Variants in CLPB observed in about 807,000 individuals in gnomAD.
The protein encoded by CLPB is ClpB family mitochondrial disaggregase, also known as mitochondrial disaggregase.
A neutral mutation model predicts 78.4 loss-of-function variants in CLPB; 40 were observed. The ratio of observed to expected loss-of-function variants is 0.51; its 90% CI spans 0.40 to 0.66. CLPB has a LOEUF of 0.66. CLPB is among the 30% of genes least tolerant of loss of function. The pLI, the probability that CLPB is intolerant of heterozygous loss-of-function variation, is 0.00. For synonymous variants in CLPB, 333 were observed against 348.0 expected (o/e 0.96, Z 0.48); for missense variants, 780 against 886.9 (o/e 0.88, Z 1.53).
At chr11:72,339,659 T>C (rs942475849) in intron 5 of CLPB, among the ~76,000 whole-genome samples, 1 of 152,346 alleles carries the variant, frequency 6.6e-6, no homozygotes, top group South Asian at 2.1e-4. Flanking sequence ...TTTGGCACCA[T>C]GGTAAGTGCT....
intron 4 of CLPB, among the ~76,000 whole-genome samples, chr11:72,364,281 C>A (rs1950899264): frequency 6.6e-6 from 1 of 152,150 alleles, no homozygotes; most frequent in Non-Finnish European, 1.5e-5. Flanking sequence ...GCAACCTCCG[C>A]AACACTGCAA....
At chr11:72,420,847 A>T (rs1856175127) in intron 2 of CLPB, among the ~76,000 whole-genome samples, 1 of 152,166 alleles carries the variant, frequency 6.6e-6, no homozygotes, top group African/African-American at 2.4e-5. Context: ...TGATATACAA[A>T]TGAAGGCCAT....
At chr11:72,390,367 G>A (rs1236813467) in intron 3 of CLPB, among the ~76,000 whole-genome samples, 1 of 151,274 alleles carries the variant, frequency 6.6e-6, no homozygotes, top group East Asian at 1.9e-4. Flanking sequence ...CAACCCAGGA[G>A]GCAGAGGTTG....
intron 4 of CLPB, 22 bp from the exon 5 acceptor site, chr11:72,359,030 C>A: frequency 6.2e-7 from 1 of 1,612,568 alleles, no homozygotes. Context: ...GCAACACAAA[C>A]CCTTCCATTA....
chr11:72,317,076 T>C, intron 7 of CLPB, 30 bp downstream of exon 7: 3 of 1,509,726 alleles, frequency 2.0e-6, no homozygotes, highest in Non-Finnish European at 2.7e-6. Context: ...AGGGCACCAC[T>C]CTGCCCTTTC....
chr11:72,298,051 C>G (rs2135492711), intron 11 of CLPB, among the ~76,000 whole-genome samples: 1 of 152,256 alleles, frequency 6.6e-6, no homozygotes, highest in South Asian at 2.1e-4. Context: ...CTTGAATGCT[C>G]ACCCCAGGGT....
intron 9 of CLPB, 109 bp downstream of exon 9, chr11:72,307,081 GGTCAGGGCC>G: frequency 1.1e-6 from 1 of 906,322 alleles, no homozygotes; most frequent in Non-Finnish European, 1.7e-6. Context: ...CTGCTTCCTG[GGTCAGGGCC>G]CATCTTTTTG....
At chr11:72,413,386 A>G (rs543074415) in intron 2 of CLPB, among the ~76,000 whole-genome samples, 1 of 149,828 alleles carries the variant, frequency 6.7e-6, no homozygotes, top group East Asian at 1.9e-4. Flanking sequence ...TTCCTTTTCT[A>G]TTTTTTTTTG....
At chr11:72,331,592 T>TG (rs1555092273) in intron 5 of CLPB, among the ~76,000 whole-genome samples, 11 of 73,422 alleles carry the variant, frequency 1.5e-4, no homozygotes, top group African/African-American at 5.9e-4. Context: ...TTTTTTTTTT[T>TG]GAGACAGGGT....
At chr11:72,303,222 A>G (rs117524306) in intron 9 of CLPB, among the ~76,000 whole-genome samples, 4,280 of 152,276 alleles carry the variant, frequency 0.028, 105 homozygotes, top group Non-Finnish European at 0.038. Context: ...CTCCTCTCCT[A>G]CTGGCACATG....
intron 3 of CLPB, among the ~76,000 whole-genome samples, chr11:72,382,794 G>A (rs1854956059): frequency 1.3e-5 from 2 of 152,224 alleles, no homozygotes; most frequent in Admixed American, 6.5e-5. Flanking sequence ...AGCATGGCCA[G>A]AAGAATCAAG....
At chr11:72,353,928 A>G (rs1008545772) in intron 5 of CLPB, among the ~76,000 whole-genome samples, 5 of 148,850 alleles carry the variant, frequency 3.4e-5, no homozygotes, top group African/African-American at 1.3e-4. Context: ...TAGTATGGTT[A>G]GAATTTTTTT....
intron 11 of CLPB, among the ~76,000 whole-genome samples, chr11:72,297,702 T>TGTGTGAGA (rs1464583884): frequency 7.7e-5 from 10 of 129,658 alleles, no homozygotes; most frequent in South Asian, 5.1e-4. Flanking sequence ...TGTGTGTGTG[T>TGTGTGAGA]GACATGTCCA....
At chr11:72,300,954 T>C (rs1032180809) in intron 11 of CLPB, among the ~76,000 whole-genome samples, 1 of 152,092 alleles carries the variant, frequency 6.6e-6, no homozygotes, top group African/African-American at 2.4e-5. Flanking sequence ...GGGGGGAGAA[T>C]TGGGGCTCTG....
At chr11:72,422,338 T>G (rs78897299) in intron 2 of CLPB, among the ~76,000 whole-genome samples, 17,229 of 140,814 alleles carry the variant, frequency 0.12, 1,577 homozygotes, top group African/African-American at 0.27. Flanking sequence ...CCATGAACAA[T>G]ACTTGGAAGC....
chr11:72,392,770 T>A (rs941736792), intron 3 of CLPB, among the ~76,000 whole-genome samples: 1 of 152,218 alleles, frequency 6.6e-6, no homozygotes, highest in Non-Finnish European at 1.5e-5. Flanking sequence ...GTTACCCAAA[T>A]GTACACATTA....
chr11:72,368,183 T>C (rs1950978634), intron 4 of CLPB, among the ~76,000 whole-genome samples: 1 of 152,194 alleles, frequency 6.6e-6, no homozygotes, highest in Admixed American at 6.5e-5. Flanking sequence ...AGGTGAGTCC[T>C]GAAGGCTAAC....
chr11:72,314,422 T>C (rs1284775419), intron 7 of CLPB, among the ~76,000 whole-genome samples: 1 of 152,106 alleles, frequency 6.6e-6, no homozygotes, highest in African/African-American at 2.4e-5. Context: ...AGCTATTCTA[T>C]AGTTGTATTC....
At chr11:72,299,161 C>T (rs1949610110) in intron 11 of CLPB, among the ~76,000 whole-genome samples, 1 of 152,230 alleles carries the variant, frequency 6.6e-6, no homozygotes, top group Admixed American at 6.5e-5. Flanking sequence ...CAGCAGCCAA[C>T]TGGCCACCCT....
Sources: allele counts gnomAD v4.1 joint callset (sites outside exome capture counted in the v4.1 genomes callset), GRCh38; gene constraint gnomAD v4.1.1; transcripts MANE v1.5; gene names NCBI Gene and HGNC (gene_info 2026-07-23, HGNC 2026-07-21).